FGF12: variants seen among roughly 807,000 people sequenced by gnomAD.
The protein encoded by FGF12 is fibroblast growth factor 12.
A neutral mutation model predicts 23.6 loss-of-function variants in FGF12; 14 were observed. The observed-to-expected ratio is 0.59, with a 90% CI of 0.39 to 0.93. FGF12 has a LOEUF of 0.93. Ranked by LOEUF, FGF12 falls within the 40% of genes least tolerant of loss-of-function variation. The pLI is 0.00. For missense variants in FGF12, 175 were observed against 217.8 expected (o/e 0.80, Z 1.24); for synonymous variants, 62 against 77.3 (o/e 0.80, Z 1.04).
chr3:192,347,263 A>C (rs754860162), intron 3 of FGF12, among the ~76,000 whole-genome samples: 4 of 152,198 alleles, frequency 2.6e-5, no homozygotes, highest in African/African-American at 4.8e-5. Context: ...TCAATGAACC[A>C]AACCTTGCTG....
At chr3:192,593,828 A>T (rs952173050) in intron 2 of FGF12, among the ~76,000 whole-genome samples, 11 of 152,014 alleles carry the variant, frequency 7.2e-5, no homozygotes, top group Non-Finnish European at 1.2e-4. Flanking sequence ...AAACGGTAGA[A>T]GGCTCTGGAA....
chr3:192,205,005 G>A (rs568626223), intron 4 of FGF12, among the ~76,000 whole-genome samples: 37 of 152,208 alleles, frequency 2.4e-4, no homozygotes, highest in Admixed American at 2.2e-3. Flanking sequence ...CCTTAGACTT[G>A]GTCACTATTG....
At chr3:192,257,112 T>A (rs1712445597) in intron 4 of FGF12, among the ~76,000 whole-genome samples, 1 of 152,202 alleles carries the variant, frequency 6.6e-6, no homozygotes, top group Non-Finnish European at 1.5e-5. Flanking sequence ...GACTTGGTTA[T>A]TCTTCAAAAT....
chr3:192,437,667 G>A (rs1451307115), intron 2 of FGF12, among the ~76,000 whole-genome samples: 1 of 151,894 alleles, frequency 6.6e-6, no homozygotes, highest in Non-Finnish European at 1.5e-5. Flanking sequence ...CTCCAGCCTG[G>A]GCGACAAAGC....
At chr3:192,188,339 C>T (rs1716598972) in intron 4 of FGF12, among the ~76,000 whole-genome samples, 2 of 152,138 alleles carry the variant, frequency 1.3e-5, no homozygotes, top group African/African-American at 2.4e-5. Context: ...ATTGAAACTA[C>T]GCACGTGTTT....
At chr3:192,252,724 A>G (rs1171318145) in intron 4 of FGF12, among the ~76,000 whole-genome samples, 1 of 152,008 alleles carries the variant, frequency 6.6e-6, no homozygotes, top group Non-Finnish European at 1.5e-5. Flanking sequence ...GCTATGGTAG[A>G]AAAGAAAAAA....
chr3:192,683,718 C>T lies in FGF12; in HGVS notation c.13+43463G>A, dbSNP rs147129252. Among the ~76,000 whole-genome samples, 32 of 152,212 alleles carry T rather than the reference C, an allele frequency of 2.1e-4. 1 individual carries two copies. In the East Asian group the frequency reaches 2.9e-3, roughly 14 times the overall value. ...TATCATCTCTTTAAATGCTACTCTG[C>T]GGGGCTTATTTTTATCACTCTCAAG... On this transcript the variant is annotated intron_variant, in intron 2 of 5. Coordinates refer to ENST00000445105, the MANE Select transcript of FGF12 (RefSeq NM_004113.6).
At chr3:192,543,245 T>C (rs1030364126) in intron 2 of FGF12, among the ~76,000 whole-genome samples, 24 of 152,108 alleles carry the variant, frequency 1.6e-4, no homozygotes, top group African/African-American at 2.4e-5. Context: ...CACTCTTCCC[T>C]CCCTTTTCTG....
At position 192,383,323 on chromosome 3, in the gene FGF12, A is replaced by G. The variant is rs76810823; in HGVS notation, c.14-22785T>C. Among the ~76,000 whole-genome samples the G allele has an allele frequency of 9.7e-3, 1,482 of 152,290 alleles. 27 individuals carry two copies. The highest frequency in any genetic ancestry group is 0.034 in the African/African-American group (1,414 of 41,552). ...CCAATGGGGAGGCTGCACATGCTAT[A>G]ATAAAGTCCATTGTATCCTTGCTGT... On this transcript the variant is annotated intron_variant, in intron 2 of 5. Coordinates refer to ENST00000445105, the MANE Select transcript of FGF12 (RefSeq NM_004113.6).
Position 192,432,639 on chromosome 3 carries a change from A to AAAAAG in FGF12, c.14-72102_14-72101insCTTTT, listed in dbSNP as rs1553812376. On this transcript the variant is annotated intron_variant, in intron 2 of 5. Coordinates refer to ENST00000445105, the MANE Select transcript of FGF12 (RefSeq NM_004113.6). ...ATCTGGCAAAAAAAAAAAAAAAAAA[A>AAAAAG]AAAGAAAGAAAGAAAGAAAGAAAAG... Among the ~76,000 whole-genome samples the AAAAAG allele has an allele frequency of 5.6e-3, 772 of 136,974 alleles. 10 individuals are homozygous for AAAAAG. The highest frequency in any genetic ancestry group is 0.021 in the African/African-American group (741 of 34,926). 89.9% of individuals were successfully genotyped at this position (136,974 alleles called of 152,430 possible). A position where few individuals can be genotyped will look rare whatever the true frequency, so the allele number is the denominator to read the frequency against.
intron 2 of FGF12, among the ~76,000 whole-genome samples, chr3:192,396,654 G>A (rs1485188983): frequency 6.6e-6 from 1 of 152,166 alleles, no homozygotes; most frequent in Non-Finnish European, 1.5e-5. Context: ...CTTACCAGGT[G>A]GACATCTCAA....
chr3:192,491,192 T>A lies in FGF12; in HGVS notation c.14-130654A>T, dbSNP rs118024310. 7.2e-4 allele frequency among the ~76,000 whole-genome samples: 110 copies of A among 152,252 alleles called. 1 individual carries two copies. In the East Asian group the frequency reaches 0.017, roughly 24 times the overall value. On this transcript the variant is annotated intron_variant, in intron 2 of 5. Transcript: ENST00000445105. ...CATAGAATTTTGTCTACACTTACCA[T>A]GTAACAGATATCCCAAGATGCTTTG...
intron 2 of FGF12, among the ~76,000 whole-genome samples, chr3:192,371,420 T>C (rs923181631): frequency 3.9e-5 from 6 of 152,238 alleles, no homozygotes; most frequent in Non-Finnish European, 7.3e-5. Context: ...CATTTCTTCA[T>C]GCATAGCCAT....
intron 5 of FGF12, among the ~76,000 whole-genome samples, chr3:192,160,451 T>G (rs913358727): frequency 1.3e-5 from 2 of 152,174 alleles, no homozygotes; most frequent in African/African-American, 2.4e-5. Flanking sequence ...GTGCCACATC[T>G]TTGCATGGTT....
chr3:192,354,459 CA>C (rs11399703), intron 3 of FGF12, among the ~76,000 whole-genome samples: 26 of 143,418 alleles, frequency 1.8e-4, no homozygotes, highest in South Asian at 4.5e-4. Context: ...TAAAGCATGG[CA>C]AAAAAAAATA....
intron 3 of FGF12, among the ~76,000 whole-genome samples, chr3:192,353,531 G>A (rs562674823): frequency 4.0e-5 from 6 of 151,816 alleles, no homozygotes; most frequent in African/African-American, 7.3e-5. Context: ...CACCACACCC[G>A]CCTAATTTTT....
At chr3:192,672,323 A>G (rs1717153386) in intron 2 of FGF12, among the ~76,000 whole-genome samples, 2 of 151,202 alleles carry the variant, frequency 1.3e-5, no homozygotes, top group Admixed American at 6.6e-5. Flanking sequence ...TCATAAATAA[A>G]TAAAGAAATC....
At chr3:192,599,909 T>C (rs979600888) in intron 2 of FGF12, among the ~76,000 whole-genome samples, 1 of 152,256 alleles carries the variant, frequency 6.6e-6, no homozygotes, top group East Asian at 1.9e-4. Context: ...CCCATTTGTT[T>C]ATATTTACTT....
At chr3:192,650,836 C>T (rs1481241750) in intron 2 of FGF12, among the ~76,000 whole-genome samples, 2 of 152,156 alleles carry the variant, frequency 1.3e-5, no homozygotes, top group Admixed American at 6.6e-5. Context: ...TTTACATATT[C>T]TGTCCTATCA....
Sources: gnomAD v4.1 joint callset for allele counts (sites outside exome capture counted in the v4.1 genomes callset) on GRCh38, gnomAD v4.1.1 for gene constraint, MANE v1.5 for transcripts, NCBI Gene and HGNC (gene_info 2026-07-23, HGNC 2026-07-21) for gene names.